The following DCAF5 variants were observed in gnomAD, a reference collection of about 807,000 sequenced individuals.
DCAF5 encodes the protein DDB1 and CUL4 associated factor 5.
In DCAF5, 9 loss-of-function variants were observed where a neutral mutation model predicts 80.7. That is an observed-to-expected ratio of 0.11 (90% confidence interval 0.07 to 0.19). The LOEUF (loss-of-function observed/expected upper bound fraction) is 0.19. Ranked by LOEUF, DCAF5 falls within the 10% of genes least tolerant of loss-of-function variation. The pLI is 1.00. For synonymous variants in DCAF5, 433 were observed against 461.9 expected (o/e 0.94, Z 0.80); for missense variants, 842 against 1,205.7 (o/e 0.70, Z 4.47).
At chr14:69,056,654 C>G in intron 8 of DCAF5, among the ~76,000 whole-genome samples, 1 of 152,166 alleles carries the variant, frequency 6.6e-6, no homozygotes, top group South Asian at 2.1e-4. Flanking sequence ...AGATGGCATC[C>G]AACCCAGAAA....
intron 5 of DCAF5, among the ~76,000 whole-genome samples, chr14:69,101,973 GATGA>G (rs1180784817): frequency 6.6e-6 from 1 of 152,126 alleles, no homozygotes; most frequent in Non-Finnish European, 1.5e-5. Flanking sequence ...GTGAGTGAGT[GATGA>G]ATGAATGTGA....
intron 7 of DCAF5, among the ~76,000 whole-genome samples, chr14:69,073,687 A>G (rs2038789539): frequency 6.6e-6 from 1 of 152,202 alleles, no homozygotes; most frequent in Admixed American, 6.5e-5. Context: ...CAGGGAGAAG[A>G]AAAAAACCTA....
chr14:69,112,596 C>T (rs1595021427), intron 5 of DCAF5, among the ~76,000 whole-genome samples: 2 of 49,596 alleles, frequency 4.0e-5, no homozygotes, highest in Non-Finnish European at 1.7e-4. Flanking sequence ...TATATGTATA[C>T]ACACACACAC....
chr14:69,105,235 C>A (rs780294447), intron 5 of DCAF5, among the ~76,000 whole-genome samples: 11 of 152,030 alleles, frequency 7.2e-5, no homozygotes, highest in Admixed American at 3.3e-4. Context: ...ATGGGACAAT[C>A]CAAACGGCTA....
chr14:69,054,658 A>T lies in DCAF5; in HGVS notation c.2028T>A (p.Asn676Lys). The change falls in exon 9 of 9, where the codon AAT becomes AAA. Residue 676 changes from asparagine to lysine, a missense_variant. Physicochemically the swap from Asn to Lys is moderately conservative, Grantham distance 94. This residue lies in a region of DCAF5 where 607 missense variants were observed against 656.6 expected (regional missense o/e 0.92). Coordinates refer to ENST00000341516, the MANE Select transcript of DCAF5 (RefSeq NM_003861.3). ...CCAAGGAGGTCTCTCCATCTTTGTT[A>T]TTTGAGTAGGAGATATAAGAGTAGC... ...WLRYSYISYS[N>K]NKDGETSLVT... The T allele has an allele frequency of 6.2e-7, 1 of 1,614,118 alleles. No homozygotes were observed.
chr14:69,082,645 G>GC (rs1456069609), intron 6 of DCAF5, among the ~76,000 whole-genome samples: 1 of 152,152 alleles, frequency 6.6e-6, no homozygotes, highest in African/African-American at 2.4e-5. Context: ...TTAACCATTA[G>GC]CCCCCCTCCA....
chr14:69,099,753 G>T lies in DCAF5; in HGVS notation c.666-7866C>A, dbSNP rs193151826. Among the ~76,000 whole-genome samples, 347 of 149,888 alleles carry T rather than the reference G, an allele frequency of 2.3e-3. 1 individual carries two copies. Among genetic ancestry groups the T allele is most frequent in the Non-Finnish European group, 3.1e-3 (212 of 67,620 alleles). ...AGCTTAGGGGTTTGAGGCCAGCCTGGGCAACAAAGTGAAACCCTGTCTCTA... is the reference window on the plus strand; with the variant it reads ...AGCTTAGGGGTTTGAGGCCAGCCTGTGCAACAAAGTGAAACCCTGTCTCTA... On this transcript the variant is annotated intron_variant, in intron 5 of 8. Coordinates refer to ENST00000341516, the MANE Select transcript of DCAF5 (RefSeq NM_003861.3).
rs144675264 is a variant in DCAF5 at position 69,139,582 on chromosome 14, G to A, written c.214+13183C>T. On this transcript the variant is annotated intron_variant, in intron 1 of 8. Transcript: ENST00000341516. ...TAATCCCAGTACTTTGGGAGGCTGAGGCAGGTGAATCACTTGAGGCCAGGA... is the reference window on the plus strand; with the variant it reads ...TAATCCCAGTACTTTGGGAGGCTGAAGCAGGTGAATCACTTGAGGCCAGGA... Among the ~76,000 whole-genome samples, 148 of 152,184 alleles carry A rather than the reference G, an allele frequency of 9.7e-4. 1 individual carries two copies. The East Asian group carries it at 0.026, about 27-fold the overall frequency.
intron 5 of DCAF5, among the ~76,000 whole-genome samples, chr14:69,104,565 G>C (rs1434122357): frequency 6.6e-6 from 1 of 151,892 alleles, no homozygotes; most frequent in African/African-American, 2.4e-5. Flanking sequence ...AGCAAAAGAA[G>C]TGAGAGATGG....
intron 7 of DCAF5, among the ~76,000 whole-genome samples, chr14:69,071,173 G>T (rs2038678320): frequency 6.6e-6 from 1 of 152,044 alleles, no homozygotes; most frequent in African/African-American, 2.4e-5. Context: ...GATCTTCCCT[G>T]GTAGCAAGTT....
chr14:69,149,461 C>T (rs971537257), intron 1 of DCAF5: 12 of 152,312 alleles, frequency 7.9e-5, no homozygotes, highest in Admixed American at 7.2e-4. Context: ...CTCCGGTTTA[C>T]TCAATATCTG....
intron 6 of DCAF5, among the ~76,000 whole-genome samples, chr14:69,075,614 T>C (rs928504507): frequency 6.6e-6 from 1 of 152,164 alleles, no homozygotes; most frequent in Non-Finnish European, 1.5e-5. Flanking sequence ...CCAGAGTAGC[T>C]GGGACTACAG....
At chr14:69,135,392 A>G (rs1199436425) in intron 1 of DCAF5, among the ~76,000 whole-genome samples, 2 of 152,266 alleles carry the variant, frequency 1.3e-5, no homozygotes, top group Non-Finnish European at 2.9e-5. Context: ...TTTCAACCAG[A>G]GTACACATCT....
rs1014929235 is a variant in DCAF5 at position 69,054,857 on chromosome 14, A to T, written c.1829T>A (p.Ile610Asn). The T allele has an allele frequency of 6.2e-7, 1 of 1,613,940 alleles. No homozygotes were observed. Among genetic ancestry groups the T allele is most frequent in the African/African-American group, 1.3e-5 (1 of 74,970 alleles). The change falls in exon 9 of 9, where the codon ATT becomes AAT. Residue 610 changes from isoleucine (I) to asparagine (N), a missense_variant. Physicochemically the swap from Ile to Asn is moderately radical, Grantham distance 149. Coordinates refer to ENST00000341516, the MANE Select transcript of DCAF5 (RefSeq NM_003861.3). ...GGGGTAATCATAGTTGTCTTCTCCAATGTAAGTGTTGGTGGGCTTGATTGG... is the reference window on the plus strand; with the variant it reads ...GGGGTAATCATAGTTGTCTTCTCCATTGTAAGTGTTGGTGGGCTTGATTGG... ...SAPIKPTNTYIGEDNYDYPQI... is the reference protein window; with the variant it reads ...SAPIKPTNTYNGEDNYDYPQI...
chr14:69,069,027 A>G (rs2038578358), intron 7 of DCAF5, among the ~76,000 whole-genome samples: 1 of 152,246 alleles, frequency 6.6e-6, no homozygotes, highest in African/African-American at 2.4e-5. Context: ...TTCTTTCATC[A>G]TATGTGCCTC....
intron 8 of DCAF5, among the ~76,000 whole-genome samples, chr14:69,060,183 T>C (rs2038152082): frequency 6.6e-6 from 1 of 152,104 alleles, no homozygotes; most frequent in Non-Finnish European, 1.5e-5. Flanking sequence ...TGCAAGGGAC[T>C]GGGCCATTTC....
chr14:69,151,131 C>A (rs1475657000), intron 1 of DCAF5, among the ~76,000 whole-genome samples: 1 of 152,112 alleles, frequency 6.6e-6, no homozygotes, highest in East Asian at 1.9e-4. Context: ...AGGTCTTCCC[C>A]CATTTTTGCT....
intron 1 of DCAF5, among the ~76,000 whole-genome samples, chr14:69,125,940 T>TA (rs1267960789): frequency 4.0e-5 from 6 of 150,934 alleles, no homozygotes; most frequent in Non-Finnish European, 5.9e-5. Flanking sequence ...AGTGTTTCTT[T>TA]AAAAAAAAAT....
At chr14:69,097,221 GA>G (rs2039751971) in intron 5 of DCAF5, among the ~76,000 whole-genome samples, 1 of 152,170 alleles carries the variant, frequency 6.6e-6, no homozygotes, top group Non-Finnish European at 1.5e-5. Context: ...GAAAACAAGA[GA>G]AGAGAGAAAG....
Sources: gnomAD v4.1 joint callset for allele counts (sites outside exome capture counted in the v4.1 genomes callset) on GRCh38, gnomAD v4.1.1 for gene constraint, gnomAD v4.1.1 regional missense constraint, MANE v1.5 for transcripts, NCBI Gene and HGNC (gene_info 2026-07-23, HGNC 2026-07-21) for gene names.